The following MARCHF4 variants were observed in gnomAD, a reference collection of about 807,000 sequenced individuals.
MARCHF4 encodes E3 ubiquitin-protein ligase MARCHF4.
Under a neutral mutation model 43.9 loss-of-function variants are expected in MARCHF4, and 14 were observed. That is an observed-to-expected ratio of 0.32 (90% CI 0.21 to 0.50). The LOEUF is 0.50. Among genes scored for constraint, MARCHF4 ranks in the 20% least tolerant of loss-of-function variants. The probability of loss-of-function intolerance (pLI) is 0.98; values close to 1 mark genes in which losing one functional copy is unlikely to be tolerated. For missense variants in MARCHF4, 468 were observed against 536.7 expected (o/e 0.87, Z 1.27); for synonymous variants, 226 against 213.3 (o/e 1.06, Z -0.52).
At chr2:216,291,272 C>G (rs1410209690) in intron 1 of MARCHF4, among the ~76,000 whole-genome samples, 2 of 152,130 alleles carry the variant, frequency 1.3e-5, no homozygotes, top group African/African-American at 4.8e-5. Flanking sequence ...TGGACCTTGT[C>G]AAGTGCTGCT....
chr2:216,271,267 C>T (rs929479127), intron 3 of MARCHF4, among the ~76,000 whole-genome samples: 4 of 152,206 alleles, frequency 2.6e-5, no homozygotes, highest in Non-Finnish European at 5.9e-5. Context: ...GCATACCTGG[C>T]TCACTCATGT....
At chr2:216,266,488 C>G (rs774254622) in intron 3 of MARCHF4, among the ~76,000 whole-genome samples, 3 of 152,166 alleles carry the variant, frequency 2.0e-5, no homozygotes, top group Non-Finnish European at 4.4e-5. Flanking sequence ...ACTCCCCAGC[C>G]CTCAGTCAAG....
intron 1 of MARCHF4, among the ~76,000 whole-genome samples, chr2:216,285,302 G>C (rs748919852): frequency 3.3e-5 from 5 of 152,124 alleles, no homozygotes; most frequent in Admixed American, 6.6e-5. Context: ...CGCAATAAAT[G>C]AACTTGGCAG....
At position 216,363,436 on chromosome 2, in the gene MARCHF4, T is replaced by C. The variant is rs1299490366; in HGVS notation, c.516+6309A>G. Among the ~76,000 whole-genome samples, 4 of 152,252 alleles carry C rather than the reference T, an allele frequency of 2.6e-5. No homozygotes were observed. The East Asian group carries it at 7.7e-4, about 29-fold the overall frequency. ...ATCCGTGCTTATGCGTGAGCAAGTT[T>C]GTACATGTAAGATAGCTATACCTGT... On this transcript the variant is annotated intron_variant, in intron 1 of 3. Transcript: ENST00000273067.
At chr2:216,298,976 T>G (rs1574467959) in intron 1 of MARCHF4, among the ~76,000 whole-genome samples, 2 of 152,228 alleles carry the variant, frequency 1.3e-5, no homozygotes, top group South Asian at 4.1e-4. Context: ...CTATGTCATC[T>G]GAGCGTGCCA....
chr2:216,353,865 A>G lies in MARCHF4; in HGVS notation c.516+15880T>C, dbSNP rs142052946. On this transcript the variant is annotated intron_variant, in intron 1 of 3. Coordinates refer to ENST00000273067, the MANE Select transcript of MARCHF4 (RefSeq NM_020814.3). ...GCCTGGCCTCCAGTTTCTCACTTCT[A>G]AAGATCAGGAAAACAATGCCTACTC... Among the ~76,000 whole-genome samples, 1,292 of 152,222 alleles carry G rather than the reference A, an allele frequency of 8.5e-3. 45 individuals are homozygous for G. The highest frequency in any genetic ancestry group is 0.053 in the Admixed American group (812 of 15,280).
chr2:216,292,040 C>T (rs1691316938), intron 1 of MARCHF4, among the ~76,000 whole-genome samples: 1 of 152,220 alleles, frequency 6.6e-6, no homozygotes, highest in South Asian at 2.1e-4. Context: ...CTTGCTGGCT[C>T]CCCTGTTATC....
At chr2:216,339,177 C>T (rs945737983) in intron 1 of MARCHF4, among the ~76,000 whole-genome samples, 1 of 152,210 alleles carries the variant, frequency 6.6e-6, no homozygotes, top group African/African-American at 2.4e-5. Flanking sequence ...GACCTAGTCA[C>T]CAATCCCCCC....
chr2:216,312,757 T>C (rs557395560), intron 1 of MARCHF4, among the ~76,000 whole-genome samples: 1 of 152,290 alleles, frequency 6.6e-6, no homozygotes, highest in African/African-American at 2.4e-5. Context: ...GTTATTTGAG[T>C]TCCCTGTAGG....
chr2:216,291,540 G>A (rs564664879), intron 1 of MARCHF4, among the ~76,000 whole-genome samples: 1 of 152,104 alleles, frequency 6.6e-6, no homozygotes, highest in Non-Finnish European at 1.5e-5. Flanking sequence ...AACTGAGGGA[G>A]GAGGGTAGTA....
chr2:216,301,353 C>T (rs548414595), intron 1 of MARCHF4, among the ~76,000 whole-genome samples: 19 of 152,296 alleles, frequency 1.2e-4, no homozygotes, highest in African/African-American at 2.4e-4. Flanking sequence ...TACTGGAGCA[C>T]GGAGCCTGTG....
At chr2:216,365,224 A>T (rs2105986663) in intron 1 of MARCHF4, among the ~76,000 whole-genome samples, 1 of 152,304 alleles carries the variant, frequency 6.6e-6, no homozygotes, top group Middle Eastern at 3.4e-3. Flanking sequence ...TTCACAACTA[A>T]CCAAAACACT....
At chr2:216,355,264 G>A (rs996271806) in intron 1 of MARCHF4, among the ~76,000 whole-genome samples, 7 of 152,084 alleles carry the variant, frequency 4.6e-5, no homozygotes, top group South Asian at 4.1e-4. Context: ...GAGCCACTGC[G>A]CCCGGCCCTA....
In MARCHF4 at chr2:216,261,981, G is replaced by C. The variant is rs188175540; in HGVS notation, c.866-2302C>G. ...TACAATGTTATCAAGAGGTCAGCTT[G>C]AGTAAAATGGGAAATGACCACCAGT... On this transcript the variant is annotated intron_variant, in intron 3 of 3. Transcript: ENST00000273067. Among the ~76,000 whole-genome samples the C allele has an allele frequency of 2.6e-5, 4 of 152,324 alleles. 1 individual carries two copies. Among genetic ancestry groups the C allele is most frequent in the African/African-American group, 9.6e-5 (4 of 41,568 alleles).
In MARCHF4 at chr2:216,285,497, G is replaced by T. The variant is rs533112065; in HGVS notation, c.517-1768C>A. On this transcript the variant is annotated intron_variant, in intron 1 of 3. Transcript: ENST00000273067. Reference sequence around the variant, plus strand: ...TTGCAGCCCTAACATCTAGTAAAGGGCCTGGTAAAGTTTGATACTCAATCC... The same window carrying T: ...TTGCAGCCCTAACATCTAGTAAAGGTCCTGGTAAAGTTTGATACTCAATCC... Among the ~76,000 whole-genome samples the T allele has an allele frequency of 1.7e-4, 26 of 152,272 alleles. No homozygotes were observed. The South Asian group carries it at 5.0e-3, about 29-fold the overall frequency.
intron 3 of MARCHF4, among the ~76,000 whole-genome samples, chr2:216,267,236 A>G (rs1376048738): frequency 6.6e-6 from 1 of 152,230 alleles, no homozygotes; most frequent in East Asian, 1.9e-4. Flanking sequence ...CCAGGTGACT[A>G]GTACTGAATG....
rs1462885324 is a variant in MARCHF4, at chr2:216,371,083, T to G, written c.-823A>C. 1 of 151,804 alleles carries G rather than the reference T, an allele frequency of 6.6e-6. No homozygotes were observed. The highest frequency in any genetic ancestry group is 2.4e-5 in the African/African-American group (1 of 41,238). The allele number at this position is 151,804 out of a possible 1,614,324, so 9.4% of individuals were successfully genotyped here. A position where few individuals can be genotyped will look rare whatever the true frequency, so the allele number is the denominator to read the frequency against. On this transcript the variant is annotated 5_prime_UTR_variant, in exon 1 of 4. Coordinates refer to ENST00000273067, the MANE Select transcript of MARCHF4 (RefSeq NM_020814.3). ...AGGAGAAGGGAGGTAAAATAGAGGT[T>G]TGGGAAGGAAAAAGGATGGGAGAAA...
chr2:216,330,863 T>G (rs1692072730), intron 1 of MARCHF4, among the ~76,000 whole-genome samples: 1 of 152,070 alleles, frequency 6.6e-6, no homozygotes, highest in South Asian at 2.1e-4. Context: ...CTTTATACAT[T>G]TATATTAGGA....
chr2:216,305,356 G>A (rs1691567292), intron 1 of MARCHF4, among the ~76,000 whole-genome samples: 2 of 152,182 alleles, frequency 1.3e-5, no homozygotes. Flanking sequence ...CTGTCTGAAT[G>A]TGCATGTGGT....
Sources: allele counts gnomAD v4.1 joint callset (sites outside exome capture counted in the v4.1 genomes callset), GRCh38; gene constraint gnomAD v4.1.1; transcripts MANE v1.5; gene names NCBI Gene and HGNC (gene_info 2026-07-23, HGNC 2026-07-21).